AHCY: variants seen among roughly 807,000 people sequenced by gnomAD.
AHCY encodes S-adenosyl-L-homocysteine hydrolase.
Under a neutral mutation model 45.4 loss-of-function variants are expected in AHCY, and 24 were observed. The observed-to-expected ratio is 0.53, with a 90% CI of 0.38 to 0.74. AHCY has a LOEUF of 0.74. AHCY is among the 30% of genes least tolerant of loss of function. The pLI is 0.00. For missense variants in AHCY, 449 were observed against 594.1 expected (o/e 0.76, Z 2.54); for synonymous variants, 245 against 235.1 (o/e 1.04, Z -0.39).
intron 3 of AHCY, chr20:34,293,843 A>C (rs1025627461): frequency 1.7e-6 from 1 of 583,962 alleles, no homozygotes; most frequent in African/African-American, 1.9e-5. Context: ...CCCAATCATA[A>C]GATCTTGCTC....
chr20:34,285,551 G>C lies in AHCY; in HGVS notation c.1056C>G (p.Gly352=). 1 of 1,614,112 alleles carries C rather than the reference G, an allele frequency of 6.2e-7. No individual in the cohort carries two copies. The part of the protein sequence containing the change: ...GRLVNLGCAM[G]HPSFVMSNSF... ...AGTTACTCATCACGAAGCTGGGGTG[G>C]CCCATGGCACAACCCAGGTTGACCA... The change falls in exon 9 of 10, where the codon GGC becomes GGG. Residue 352 remains glycine (G), a synonymous_variant. Transcript: ENST00000217426.
At chr20:34,249,713 C>T in the AHCY span, among the ~76,000 whole-genome samples, 1 of 152,146 alleles carries the variant, frequency 6.6e-6, no homozygotes, top group Admixed American at 6.5e-5. Flanking sequence ...TTGTTAGTTA[C>T]TTGTCTCTCT....
the AHCY span, among the ~76,000 whole-genome samples, chr20:34,263,906 G>C: frequency 8.6e-5 from 13 of 151,896 alleles, no homozygotes; most frequent in Admixed American, 7.9e-4. Flanking sequence ...CCTGACCTCA[G>C]GTGATCCACC....
the AHCY span, among the ~76,000 whole-genome samples, chr20:34,263,750 C>A: frequency 6.6e-6 from 1 of 151,058 alleles, no homozygotes; most frequent in Non-Finnish European, 1.5e-5. Context: ...CTCACTGCAA[C>A]CTTCACCTGG....
At chr20:34,264,635 GACAATACAT>G in the AHCY span, among the ~76,000 whole-genome samples, 19 of 152,200 alleles carry the variant, frequency 1.2e-4, no homozygotes, top group South Asian at 3.9e-3. Context: ...ATTTCAGACA[GACAATACAT>G]CTTGTAAACA....
the AHCY span, among the ~76,000 whole-genome samples, chr20:34,271,737 G>C: frequency 6.6e-6 from 1 of 151,784 alleles, no homozygotes; most frequent in Non-Finnish European, 1.5e-5. Context: ...GCTAATTTTT[G>C]TATTTTTAGT....
At chr20:34,309,564 C>G (rs995270758) in intron 1 of AHCY, among the ~76,000 whole-genome samples, 1 of 152,084 alleles carries the variant, frequency 6.6e-6, no homozygotes, top group African/African-American at 2.4e-5. Context: ...CTTTGGGAAG[C>G]CGAGGCTGGC....
chr20:34,276,906 G>A (rs1211383274), downstream of AHCY, among the ~76,000 whole-genome samples: 1 of 152,086 alleles, frequency 6.6e-6, no homozygotes, highest in Non-Finnish European at 1.5e-5. Flanking sequence ...TCGGTCCCCT[G>A]GGCTAGTCCT....
At chr20:34,298,609 A>G (rs819153) in intron 1 of AHCY, among the ~76,000 whole-genome samples, 44,409 of 80,686 alleles carry the variant, frequency 0.55, 15,553 homozygotes, top group Non-Finnish European at 0.8. Context: ...CGGCGGCGGG[A>G]GGGGGGGGGG....
chr20:34,243,355 C>G, the AHCY span, among the ~76,000 whole-genome samples: 6 of 152,280 alleles, frequency 3.9e-5, no homozygotes, highest in African/African-American at 1.4e-4. Flanking sequence ...ATCTGTTAGG[C>G]ATAACAATTA....
At chr20:34,273,250 T>C in the AHCY span, among the ~76,000 whole-genome samples, 1 of 150,436 alleles carries the variant, frequency 6.6e-6, no homozygotes, top group Non-Finnish European at 1.5e-5. Flanking sequence ...AGGCACATTG[T>C]ATAATCTTTC....
chr20:34,285,701 G>A, intron 8 of AHCY, 67 bp from the exon 9 acceptor site: 1 of 1,577,764 alleles, frequency 6.3e-7, no homozygotes, highest in East Asian at 2.3e-5. Flanking sequence ...CCTCTGATCT[G>A]GCAGGCCTCT....
downstream of AHCY, among the ~76,000 whole-genome samples, chr20:34,278,720 G>A (rs1057267345): frequency 6.6e-6 from 1 of 152,108 alleles, no homozygotes; most frequent in Non-Finnish European, 1.5e-5. Flanking sequence ...TCAGACAGGG[G>A]AATTCAAGTC....
intron 9 of AHCY, among the ~76,000 whole-genome samples, chr20:34,283,057 G>A (rs748778880): frequency 2.0e-5 from 3 of 152,146 alleles, no homozygotes; most frequent in East Asian, 1.9e-4. Flanking sequence ...GCAGAGAGGC[G>A]GGCAACAGTA....
the AHCY span, among the ~76,000 whole-genome samples, chr20:34,237,611 C>T: frequency 5.4e-4 from 82 of 152,280 alleles, no homozygotes; most frequent in Admixed American, 3.3e-3. Flanking sequence ...GATCATTTTA[C>T]TCCTTCCTTT....
the AHCY span, among the ~76,000 whole-genome samples, chr20:34,248,677 G>A: frequency 7.9e-5 from 12 of 152,082 alleles, no homozygotes; most frequent in Non-Finnish European, 1.5e-4. Flanking sequence ...GCTCACACCT[G>A]TAGTCTCAGC....
the AHCY span, among the ~76,000 whole-genome samples, chr20:34,245,106 T>C: frequency 3.3e-5 from 5 of 151,800 alleles, no homozygotes; most frequent in East Asian, 9.8e-4. Flanking sequence ...GAGGCCAAGG[T>C]GGGCAAATCA....
chr20:34,235,917 AG>A, the AHCY span, among the ~76,000 whole-genome samples: 33 of 131,166 alleles, frequency 2.5e-4, 4 homozygotes, highest in African/African-American at 1.1e-3. Flanking sequence ...GAAGGAAGGA[AG>A]GAAGGAAGGA....
At chr20:34,284,397 A>G (rs1431553135) in intron 9 of AHCY, among the ~76,000 whole-genome samples, 1 of 151,854 alleles carries the variant, frequency 6.6e-6, no homozygotes, top group African/African-American at 2.4e-5. Flanking sequence ...TCTGACCTCA[A>G]ATGATCTGCC....
Sources: allele counts gnomAD v4.1 joint callset (sites outside exome capture counted in the v4.1 genomes callset), GRCh38; gene constraint gnomAD v4.1.1; transcripts MANE v1.5; gene names NCBI Gene and HGNC (gene_info 2026-07-23, HGNC 2026-07-21).